RNF135: variants seen among roughly 807,000 people sequenced by gnomAD.
RNF135 encodes the protein E3 ubiquitin-protein ligase RNF135.
Under a neutral mutation model 41.9 loss-of-function variants are expected in RNF135, and 46 were observed. That is an observed-to-expected ratio of 1.10 (90% CI 0.87 to 1.40). The LOEUF (loss-of-function observed/expected upper bound fraction) is 1.40. Among genes scored for constraint, RNF135 ranks in the 40% most tolerant of loss-of-function variants. The pLI, the probability that RNF135 is intolerant of heterozygous loss-of-function variation, is 0.00. For missense variants in RNF135, 539 were observed against 549.8 expected (o/e 0.98, Z 0.20); for synonymous variants, 238 against 223.8 (o/e 1.06, Z -0.57).
At chr17:30,965,625 T>C in the RNF135 span, 1 of 152,360 alleles carries the variant, frequency 6.6e-6, no homozygotes, top group Middle Eastern at 3.4e-3. Context: ...CAACGGGTTC[T>C]TCCTGCCCAC....
chr17:30,994,913 C>A (rs1359112966), intron 3 of RNF135, among the ~76,000 whole-genome samples: 2 of 150,830 alleles, frequency 1.3e-5, no homozygotes, highest in African/African-American at 4.9e-5. Context: ...GCTGGGATTA[C>A]AGGTGTGAGC....
rs932868450 is a variant in RNF135 at position 30,998,706 on chromosome 17, C to T, written c.814C>T (p.Leu272=). The T allele has an allele frequency of 6.2e-7, 1 of 1,613,868 alleles. No individual in the cohort carries two copies. Among genetic ancestry groups the T allele is most frequent in the Non-Finnish European group, 8.5e-7 (1 of 1,180,000 alleles). The part of the protein sequence containing the change: ...TFNLKSLSCS[L]EVSKDSRTVT... The stretch of plus-strand genomic sequence containing the variant: ...TAACTTGAAGAGCCTTTCCTGCAGC[C>T]TGGAGGTGTCCAAGGATTCCCGTAC... Residue 272 remains leucine (L), a synonymous_variant, in exon 5 of 5, where the codon CTG becomes TTG. Transcript: ENST00000328381.
chr17:30,988,190 G>C (rs1348073743), intron 3 of RNF135, 84 bp downstream of exon 3: 1 of 1,334,922 alleles, frequency 7.5e-7, no homozygotes, highest in African/African-American at 1.5e-5. Context: ...TGTTCTCTGG[G>C]GATAGGATCC....
Sources: allele counts gnomAD v4.1 joint callset (sites outside exome capture counted in the v4.1 genomes callset), GRCh38; gene constraint gnomAD v4.1.1; transcripts MANE v1.5; gene names NCBI Gene and HGNC (gene_info 2026-07-23, HGNC 2026-07-21).